MGAT4C: variants seen among roughly 807,000 people sequenced by gnomAD.
The protein encoded by MGAT4C is MGAT4 family member C, also known as alpha-1,3-mannosyl-glycoprotein 4-beta-N-acetylglucosaminyltransferase C.
In MGAT4C, 19 loss-of-function variants were observed where a neutral mutation model predicts 40.1. The observed-to-expected ratio is 0.47, with a 90% CI of 0.33 to 0.70. MGAT4C has a LOEUF of 0.70. Ranked by LOEUF, MGAT4C falls within the 30% of genes least tolerant of loss-of-function variation. The pLI is 0.02. For synonymous variants in MGAT4C, 181 were observed against 187.1 expected (o/e 0.97, Z 0.27); for missense variants, 491 against 563.2 (o/e 0.87, Z 1.30).
At position 86,011,409 on chromosome 12, in the gene MGAT4C, T is replaced by G. The variant is rs568976304; in HGVS notation, c.-6-21857A>C. Among the ~76,000 whole-genome samples the G allele has an allele frequency of 5.3e-5, 8 of 152,306 alleles. No individual in the cohort carries two copies. In the South Asian group the frequency reaches 1.7e-3, roughly 32 times the overall value. On this transcript the variant is annotated intron_variant, in intron 2 of 4. Transcript: ENST00000611864. ...ACAGAGAATATAAAAAATCCAAAGT[T>G]ATCTTTTAGAATTTTAATTTTGGTG...
At chr12:85,994,746 C>A (rs539530723) in intron 2 of MGAT4C, among the ~76,000 whole-genome samples, 1 of 151,984 alleles carries the variant, frequency 6.6e-6, no homozygotes, top group Non-Finnish European at 1.5e-5. Context: ...GAACAGACTC[C>A]GGGATTAGTC....
chr12:86,618,695 G>C (rs1270730954), intron 2 of MGAT4C, among the ~76,000 whole-genome samples: 1 of 152,036 alleles, frequency 6.6e-6, no homozygotes, highest in Non-Finnish European at 1.5e-5. Flanking sequence ...TGTGGTGGGG[G>C]ATAAAAAGAG....
At chr12:86,097,237 T>G (rs1393833027) in intron 1 of MGAT4C, among the ~76,000 whole-genome samples, 1 of 151,678 alleles carries the variant, frequency 6.6e-6, no homozygotes, top group Non-Finnish European at 1.5e-5. Flanking sequence ...TGTGAATATT[T>G]AATTTAAGTG....
intron 1 of MGAT4C, among the ~76,000 whole-genome samples, chr12:86,835,673 A>G (rs139376574): frequency 1.3e-5 from 2 of 152,130 alleles, no homozygotes; most frequent in East Asian, 3.9e-4. Flanking sequence ...TAGCTATTAG[A>G]TAACCGTATA....
intron 1 of MGAT4C, among the ~76,000 whole-genome samples, chr12:86,160,538 A>G (rs1005253397): frequency 3.9e-5 from 6 of 152,066 alleles, no homozygotes; most frequent in African/African-American, 4.8e-5. Flanking sequence ...GATGAGAAGA[A>G]TGAGTATTCT....
chr12:86,722,892 A>T lies in MGAT4C; in HGVS notation c.-229+4317T>A, dbSNP rs188488202. Among the ~76,000 whole-genome samples, 525 of 152,272 alleles carry T rather than the reference A, an allele frequency of 3.4e-3. 2 individuals carry two copies. The highest frequency in any genetic ancestry group is 0.012 in the African/African-American group (503 of 41,544). On this transcript the variant is annotated intron_variant, in intron 2 of 7. Coordinates refer to the MGAT4C transcript ENST00000548651. ...TAGTTGGTATACATAAAATTGTCTG[A>T]TACATTTTAGTAGGGAGCATATGGT...
chr12:86,165,678 TA>T (rs1422680584), intron 1 of MGAT4C, among the ~76,000 whole-genome samples: 1 of 152,184 alleles, frequency 6.6e-6, no homozygotes, highest in Non-Finnish European at 1.5e-5. Flanking sequence ...AATGGAATTT[TA>T]ACTGAAATCA....
intron 2 of MGAT4C, among the ~76,000 whole-genome samples, chr12:86,522,570 T>C (rs1958813954): frequency 6.6e-6 from 1 of 152,124 alleles, no homozygotes; most frequent in Non-Finnish European, 1.5e-5. Context: ...TTTTTTGTTG[T>C]ATCTTGGCCA....
At chr12:86,790,597 A>G (rs1195967146) in intron 1 of MGAT4C, among the ~76,000 whole-genome samples, 1 of 152,164 alleles carries the variant, frequency 6.6e-6, no homozygotes, top group Non-Finnish European at 1.5e-5. Flanking sequence ...ACTGAATCAC[A>G]GATAATATCC....
At chr12:86,684,154 T>C (rs1246161947) in intron 2 of MGAT4C, among the ~76,000 whole-genome samples, 2 of 152,014 alleles carry the variant, frequency 1.3e-5, no homozygotes. Context: ...GGCGGGCAGA[T>C]CACTTGAGGT....
rs528045348 is a variant in MGAT4C at position 86,268,480 on chromosome 12, A to G, written c.-57+65585T>C. 3.9e-5 allele frequency among the ~76,000 whole-genome samples: 6 copies of G among 151,964 alleles called. No homozygotes were observed. The East Asian group carries it at 1.2e-3, about 29-fold the overall frequency. On this transcript the variant is annotated intron_variant, in intron 4 of 7. Coordinates refer to the MGAT4C transcript ENST00000548651. ...TTTCTTCATCTTCTTCACTTCAGTG[A>G]ATGTATATTGAAACCTTTATTTTTT... is the stretch of plus-strand genomic sequence containing the variant.
intron 1 of MGAT4C, among the ~76,000 whole-genome samples, chr12:86,242,632 C>T (rs1003324408): frequency 7.9e-5 from 12 of 151,944 alleles, no homozygotes; most frequent in African/African-American, 2.4e-4. Context: ...CGGGGAAGTA[C>T]TTTAGAGTAG....
At chr12:86,820,069 G>T (rs534041787) in intron 1 of MGAT4C, among the ~76,000 whole-genome samples, 3 of 150,682 alleles carry the variant, frequency 2.0e-5, no homozygotes, top group Non-Finnish European at 3.0e-5. Flanking sequence ...AATATGGAAA[G>T]CAAATATTAC....
At chr12:86,480,120 A>C (rs879758537) in intron 2 of MGAT4C, among the ~76,000 whole-genome samples, 9 of 151,784 alleles carry the variant, frequency 5.9e-5, no homozygotes, top group Non-Finnish European at 1.2e-4. Flanking sequence ...TGGAAGACAC[A>C]GTCATATTAT....
chr12:86,561,477 T>C (rs902153238), intron 2 of MGAT4C, among the ~76,000 whole-genome samples: 13 of 152,208 alleles, frequency 8.5e-5, no homozygotes, highest in Middle Eastern at 3.2e-3. Context: ...TTTTCCAGCC[T>C]TCATCTTTCC....
At chr12:86,462,323 T>C (rs982893219) in intron 2 of MGAT4C, among the ~76,000 whole-genome samples, 2 of 152,198 alleles carry the variant, frequency 1.3e-5, no homozygotes, top group African/African-American at 4.8e-5. Flanking sequence ...TGAGCACTTA[T>C]TATTTTCAGG....
chr12:86,532,774 C>A (rs1959006194), intron 2 of MGAT4C, among the ~76,000 whole-genome samples: 1 of 151,886 alleles, frequency 6.6e-6, no homozygotes, highest in Non-Finnish European at 1.5e-5. Context: ...TGATAGGTAA[C>A]TTATTGCTCA....
At chr12:86,269,013 CATATATATATATAT>C (rs60328579) in intron 4 of MGAT4C, among the ~76,000 whole-genome samples, 13,988 of 74,818 alleles carry the variant, frequency 0.19, 1,709 homozygotes, top group South Asian at 0.32. Context: ...TTCATACTTA[CATATATATATATAT>C]ATATATATAT....
At chr12:86,674,145 A>G (rs1437288471) in intron 2 of MGAT4C, among the ~76,000 whole-genome samples, 1 of 152,192 alleles carries the variant, frequency 6.6e-6, no homozygotes, top group Non-Finnish European at 1.5e-5. Flanking sequence ...TATGTATAAA[A>G]TGCTAAATAT....
Sources: gnomAD v4.1 joint callset for allele counts (sites outside exome capture counted in the v4.1 genomes callset) on GRCh38, gnomAD v4.1.1 for gene constraint, MANE v1.5 for transcripts, NCBI Gene and HGNC (gene_info 2026-07-23, HGNC 2026-07-21) for gene names.